TMEM266: variants seen among roughly 807,000 people sequenced by gnomAD.
TMEM266 encodes transmembrane protein 266.
TMEM266 carries 33 observed loss-of-function variants against 50.5 expected under a neutral mutation model. The observed-to-expected ratio is 0.65, with a 90% CI of 0.50 to 0.87. The LOEUF (loss-of-function observed/expected upper bound fraction) is 0.87. TMEM266 is among the 40% of genes least tolerant of loss of function. The pLI, the probability that TMEM266 is intolerant of heterozygous loss-of-function variation, is 0.00. For synonymous variants in TMEM266, 310 were observed against 292.3 expected (o/e 1.06, Z -0.62); for missense variants, 655 against 695.1 (o/e 0.94, Z 0.65).
intron 1 of TMEM266, 71 bp from the exon 2 acceptor site, chr15:76,134,097 C>A: frequency 1.6e-6 from 1 of 611,048 alleles, no homozygotes; most frequent in East Asian, 2.8e-5. Context: ...TAAGGACTCC[C>A]ATTTTTAGAT....
intron 9 of TMEM266, among the ~76,000 whole-genome samples, chr15:76,199,550 T>C (rs948049221): frequency 1.3e-5 from 2 of 151,980 alleles, no homozygotes; most frequent in African/African-American, 4.8e-5. Flanking sequence ...TGGGTGTCCG[T>C]GCTGGCCACA....
chr15:76,088,669 C>T (rs1301783125), intron 1 of TMEM266, among the ~76,000 whole-genome samples: 2 of 151,364 alleles, frequency 1.3e-5, no homozygotes, highest in Admixed American at 6.6e-5. Flanking sequence ...TGGTGGCAGG[C>T]GCCTGTAGTC....
Position 76,204,100 on chromosome 15 carries a change from G to T in TMEM266, c.1381G>T (p.Ala461Ser), listed in dbSNP as rs1260669140. 5.0e-6 allele frequency: 8 copies of T among 1,612,556 alleles called. No homozygotes were observed. The Admixed American group carries it at 1.3e-4, about 27-fold the overall frequency. ...CCCTTCCCAGAAGGCCTTGGACCCAGCCCCCCTCGCCCGGCCCAGCCCAGC... is the reference window on the plus strand; with the variant it reads ...CCCTTCCCAGAAGGCCTTGGACCCATCCCCCCTCGCCCGGCCCAGCCCAGC... The part of the protein sequence containing the change: ...DPAPLARPSP[A>S]GSAQTSPELE... The change falls in exon 11 of 11, where the codon GCC becomes TCC. Residue 461 changes from alanine (A) to serine (S), a missense_variant. By Grantham distance (99) the Ala-to-Ser change is moderately conservative. Transcript: ENST00000388942.
At chr15:76,121,920 A>G (rs1052104311) in intron 1 of TMEM266, among the ~76,000 whole-genome samples, 5 of 152,228 alleles carry the variant, frequency 3.3e-5, no homozygotes, top group Non-Finnish European at 7.3e-5. Flanking sequence ...GAGTGCTGTG[A>G]TCATGTCTCA....
At chr15:76,142,379 G>A (rs1291139551) in intron 3 of TMEM266, among the ~76,000 whole-genome samples, 4 of 152,180 alleles carry the variant, frequency 2.6e-5, no homozygotes, top group Admixed American at 6.5e-5. Context: ...GTGACAGAGC[G>A]AGACTCCGTC....
At position 76,118,431 on chromosome 15, in the gene TMEM266, C is replaced by T. The variant is rs7165546; in HGVS notation, c.-96-15737C>T. Among the ~76,000 whole-genome samples, 1,422 of 152,222 alleles carry T rather than the reference C, an allele frequency of 9.3e-3. 24 individuals carry two copies. Among genetic ancestry groups the T allele is most frequent in the African/African-American group, 0.032 (1,337 of 41,524 alleles). On this transcript the variant is annotated intron_variant, in intron 1 of 10. Transcript: ENST00000388942. ...ACAAAAATTAGCTGGGCCTGGTGGG[C>T]ACCTGTAGTCCCAGCAACTCGGGAG...
chr15:76,200,353 C>A (rs916094603), intron 9 of TMEM266, among the ~76,000 whole-genome samples: 5 of 152,198 alleles, frequency 3.3e-5, no homozygotes, highest in African/African-American at 1.2e-4. Context: ...CTGGCCCCAT[C>A]ACAATCTGAA....
intron 1 of TMEM266, among the ~76,000 whole-genome samples, chr15:76,120,758 C>CAAAA (rs60694791): frequency 7.4e-4 from 43 of 57,902 alleles, no homozygotes; most frequent in Non-Finnish European, 9.6e-4. Flanking sequence ...AAGACTGTCT[C>CAAAA]AAAAAAAAAA....
chr15:76,135,923 G>A (rs552753621), intron 2 of TMEM266, among the ~76,000 whole-genome samples: 7 of 151,370 alleles, frequency 4.6e-5, no homozygotes, highest in Non-Finnish European at 8.8e-5. Flanking sequence ...CTGAACTTCC[G>A]GGATAACTGC....
At chr15:76,065,827 T>C (rs2036404773) in intron 1 of TMEM266, among the ~76,000 whole-genome samples, 1 of 152,148 alleles carries the variant, frequency 6.6e-6, no homozygotes, top group East Asian at 1.9e-4. Flanking sequence ...GGCTCTCGTT[T>C]AGTTTGTTTA....
chr15:76,151,938 G>A (rs2037851499), intron 3 of TMEM266, among the ~76,000 whole-genome samples: 1 of 152,152 alleles, frequency 6.6e-6, no homozygotes, highest in Non-Finnish European at 1.5e-5. Context: ...GTCATCTGAG[G>A]AGGCCTGGGT....
In TMEM266 at chr15:76,204,104, C is replaced by A. The variant is rs1484773682; in HGVS notation, c.1385C>A (p.Pro462His). Residue 462 changes from proline to histidine, a missense_variant, in exon 11 of 11, where the codon CCC (proline) becomes CAC (histidine). By Grantham distance (77) the Pro-to-His change is moderately conservative. Coordinates refer to ENST00000388942, the MANE Select transcript of TMEM266 (RefSeq NM_152335.3). Reference sequence around the variant, plus strand: ...TCCCAGAAGGCCTTGGACCCAGCCCCCCTCGCCCGGCCCAGCCCAGCGGGC... The same window carrying A: ...TCCCAGAAGGCCTTGGACCCAGCCCACCTCGCCCGGCCCAGCCCAGCGGGC... 1 of 1,612,996 alleles carries A rather than the reference C, an allele frequency of 6.2e-7. No individual in the cohort carries two copies. The highest frequency in any genetic ancestry group is 8.5e-7 in the Non-Finnish European group (1 of 1,179,700).
intron 8 of TMEM266, among the ~76,000 whole-genome samples, chr15:76,187,727 G>A (rs1246263716): frequency 6.6e-6 from 1 of 152,238 alleles, no homozygotes; most frequent in Non-Finnish European, 1.5e-5. Flanking sequence ...ATCAGGGTCA[G>A]GGCTCATTGC....
chr15:76,204,040 CAGGACCTGCTGTCCTCCCTGTCGG>C lies in TMEM266; in HGVS notation c.1328_1351del (p.Leu443_Asp450del). On this transcript the variant is annotated inframe_deletion, in exon 11 of 11. Coordinates refer to ENST00000388942, the MANE Select transcript of TMEM266 (RefSeq NM_152335.3). ...GCAGCAGGTGGAGGAGGCCACAGTC[CAGGACCTGCTGTCCTCCCTGTCGG>C]AGGACCCCTGCCCTTCCCAGAAGGC... 1 of 1,612,416 alleles carries C rather than the reference CAGGACCTGCTGTCCTCCCTGTCGG, an allele frequency of 6.2e-7. No homozygotes were observed. The highest frequency in any genetic ancestry group is 8.5e-7 in the Non-Finnish European group (1 of 1,179,242).
At chr15:76,195,721 C>T (rs2038644317) in intron 9 of TMEM266, among the ~76,000 whole-genome samples, 1 of 152,218 alleles carries the variant, frequency 6.6e-6, no homozygotes, top group Non-Finnish European at 1.5e-5. Flanking sequence ...CTCCGCAGCA[C>T]CTCCTCTGTC....
chr15:76,093,666 CT>C (rs904889534), intron 1 of TMEM266, among the ~76,000 whole-genome samples: 38 of 152,022 alleles, frequency 2.5e-4, no homozygotes, highest in Non-Finnish European at 1.5e-5. Flanking sequence ...ATTTCTAGTT[CT>C]AGATCCTTGA....
intron 9 of TMEM266, among the ~76,000 whole-genome samples, chr15:76,199,922 G>T (rs1363951226): frequency 6.6e-6 from 1 of 152,204 alleles, no homozygotes; most frequent in Non-Finnish European, 1.5e-5. Context: ...TGGAAGGGCT[G>T]TCATGTAGAC....
intron 2 of TMEM266, 23 bp downstream of exon 2, chr15:76,134,324 C>T (rs757523429): frequency 4.4e-6 from 7 of 1,608,760 alleles, no homozygotes; most frequent in Non-Finnish European, 5.1e-6. Flanking sequence ...GGGATCTGCT[C>T]TCTGGATCCA....
intron 1 of TMEM266, among the ~76,000 whole-genome samples, chr15:76,102,995 TG>T (rs1461595092): frequency 6.6e-6 from 1 of 150,974 alleles, no homozygotes; most frequent in Non-Finnish European, 1.5e-5. Flanking sequence ...CCATGGGAGG[TG>T]GTAAACGGGG....
Sources: allele counts gnomAD v4.1 joint callset (sites outside exome capture counted in the v4.1 genomes callset), GRCh38; gene constraint gnomAD v4.1.1; transcripts MANE v1.5; gene names NCBI Gene and HGNC (gene_info 2026-07-23, HGNC 2026-07-21).